FAM184A: variants seen among roughly 807,000 people sequenced by gnomAD.
FAM184A encodes the protein protein FAM184A.
FAM184A carries 99 observed loss-of-function variants against 143.8 expected under a neutral mutation model. That is an observed-to-expected ratio of 0.69 (90% CI 0.58 to 0.81). The LOEUF (loss-of-function observed/expected upper bound fraction) is 0.81, where lower values mean the gene tolerates loss of function less well. Among genes scored for constraint, FAM184A ranks in the 40% least tolerant of loss-of-function variants. The probability of loss-of-function intolerance (pLI) is 0.00; values close to 1 mark genes in which losing one functional copy is unlikely to be tolerated. For missense variants in FAM184A, 1,217 were observed against 1,310.5 expected (o/e 0.93, Z 1.10); for synonymous variants, 427 against 446.4 (o/e 0.96, Z 0.55).
rs541953545 is a variant in FAM184A, at chr6:119,007,769, C to T, written c.1654-1161G>A. Among the ~76,000 whole-genome samples the T allele has an allele frequency of 2.0e-5, 3 of 152,076 alleles. No individual in the cohort carries two copies. In the East Asian group the frequency reaches 5.8e-4, roughly 29 times the overall value. ...CAGCCTGGCCAACATGGCGAAACCC[C>T]GTCTCTACTAAAAATACAAAAAGTA... On this transcript the variant is annotated intron_variant, in intron 6 of 17. Transcript: ENST00000338891.
At chr6:118,969,570 C>A (rs1453499188) in intron 14 of FAM184A, among the ~76,000 whole-genome samples, 1 of 152,130 alleles carries the variant, frequency 6.6e-6, no homozygotes, top group Non-Finnish European at 1.5e-5. Context: ...CAATATTTTT[C>A]TTTTCTTCAG....
rs1241231938 is a variant in FAM184A at position 119,039,574 on chromosome 6, G to GAA, written c.160-14763_160-14762dup. ...ATTACATGACATTCTAGAAAAGGCA[G>GAA]AAGTATGAAGATAGTAAATAGATCA... On this transcript the variant is annotated intron_variant, in intron 1 of 17. Coordinates refer to ENST00000338891, the MANE Select transcript of FAM184A (RefSeq NM_024581.6). Among the ~76,000 whole-genome samples the GAA allele has an allele frequency of 3.9e-5, 6 of 152,350 alleles. No individual in the cohort carries two copies. In the East Asian group the frequency reaches 7.7e-4, roughly 20 times the overall value.
chr6:118,960,327 C>T, intron 17 of FAM184A, 143 bp from the exon 18 acceptor site: 3 of 622,778 alleles, frequency 4.8e-6, no homozygotes, highest in Admixed American at 2.9e-5. Context: ...GCTACCCCCT[C>T]TATACTAGAA....
chr6:119,012,400 C>G lies in FAM184A; in HGVS notation c.1531-969G>C, dbSNP rs117104064. ...AAGCACACACCACAAAGGAAAAAGA[C>G]ACATGGGGTGAAGTCTGCCAGAAAC... On this transcript the variant is annotated intron_variant, in intron 5 of 17. Transcript: ENST00000338891. Among the ~76,000 whole-genome samples, 856 of 152,274 alleles carry G rather than the reference C, an allele frequency of 5.6e-3. 6 individuals are homozygous for G. The highest frequency in any genetic ancestry group is 7.6e-3 in the Non-Finnish European group (515 of 68,032).
chr6:119,021,342 C>T lies in FAM184A; in HGVS notation c.1151-1183G>A, dbSNP rs9387627. Among the ~76,000 whole-genome samples the T allele has an allele frequency of 3.9e-3, 593 of 152,328 alleles. 10 individuals are homozygous for T. Among genetic ancestry groups the T allele is most frequent in the East Asian group, 0.038 (198 of 5,188 alleles). ...ACAAAATATAACTTCAGAACTGACA[C>T]AAGTCACCCACTTCCTCCAGTAATG... On this transcript the variant is annotated intron_variant, in intron 3 of 17. Coordinates refer to ENST00000338891, the MANE Select transcript of FAM184A (RefSeq NM_024581.6).
intron 9 of FAM184A, among the ~76,000 whole-genome samples, chr6:118,999,441 C>A (rs1290187627): frequency 6.6e-6 from 1 of 152,164 alleles, no homozygotes; most frequent in East Asian, 1.9e-4. Context: ...ATAACCTCTA[C>A]CCAAACTGCC....
intron 1 of FAM184A, among the ~76,000 whole-genome samples, chr6:119,094,804 C>T (rs1443646441): frequency 1.3e-5 from 2 of 151,908 alleles, no homozygotes; most frequent in African/African-American, 2.4e-5. Context: ...AACTAATTAC[C>T]GCAGTGGGCA....
chr6:119,130,294 T>C (rs1403477415), intron 1 of FAM184A, among the ~76,000 whole-genome samples: 2 of 152,196 alleles, frequency 1.3e-5, no homozygotes, highest in African/African-American at 4.8e-5. Flanking sequence ...CAGTATATTG[T>C]TTCTGAAATA....
rs76023549 is a variant in FAM184A at position 119,087,350 on chromosome 6, G to C, written c.-202+61728C>G. Among the ~76,000 whole-genome samples the C allele has an allele frequency of 3.1e-3, 468 of 152,238 alleles. 2 individuals carry two copies. Among genetic ancestry groups the C allele is most frequent in the African/African-American group, 0.01 (435 of 41,544 alleles). Reference sequence around the variant, plus strand: ...TTTGCAGACCATGCTTCTGATAAAGGATTAATATCCAGAGCATATAAAGAA... The same window carrying C: ...TTTGCAGACCATGCTTCTGATAAAGCATTAATATCCAGAGCATATAAAGAA... On this transcript the variant is annotated intron_variant, in intron 1 of 16. Coordinates refer to the FAM184A transcript ENST00000352896.
At chr6:119,137,073 G>C (rs977123907) in intron 1 of FAM184A, among the ~76,000 whole-genome samples, 1 of 152,220 alleles carries the variant, frequency 6.6e-6, no homozygotes, top group Admixed American at 6.5e-5. Context: ...GTCCCAGTCT[G>C]CTCAGCTGCC....
In FAM184A at chr6:119,067,886, C is replaced by T. The variant is rs543982858; in HGVS notation, c.159+10255G>A. ...ACTCAGAAAACTGAGGTGGAAGGAT[C>T]ACTTGACCCCAGGAGTGTAAGGTTG... On this transcript the variant is annotated intron_variant, in intron 1 of 17. Transcript: ENST00000338891. 5.3e-4 allele frequency among the ~76,000 whole-genome samples: 81 copies of T among 152,270 alleles called. 2 individuals are homozygous for T. The South Asian group carries it at 0.017, about 31-fold the overall frequency.
intron 1 of FAM184A, among the ~76,000 whole-genome samples, chr6:119,111,689 T>C (rs1408318972): frequency 6.6e-6 from 1 of 152,226 alleles, no homozygotes; most frequent in Non-Finnish European, 1.5e-5. Flanking sequence ...CAGATTGTCA[T>C]GTTCTAGTCA....
intron 1 of FAM184A, among the ~76,000 whole-genome samples, chr6:119,055,301 A>G (rs1373283425): frequency 6.6e-6 from 1 of 152,216 alleles, no homozygotes; most frequent in Non-Finnish European, 1.5e-5. Context: ...CAGTTGATGT[A>G]ACAGTTGGGT....
At chr6:118,987,160 A>T (rs1784221446) in intron 9 of FAM184A, among the ~76,000 whole-genome samples, 2 of 152,220 alleles carry the variant, frequency 1.3e-5, no homozygotes, top group Admixed American at 6.5e-5. Flanking sequence ...TGGCATTAGT[A>T]AACTACAATC....
chr6:118,975,785 A>T (rs1783827499), intron 12 of FAM184A, 132 bp downstream of exon 12: 4 of 882,368 alleles, frequency 4.5e-6, no homozygotes, highest in Non-Finnish European at 6.7e-6. Flanking sequence ...TGAATCAAAT[A>T]AAGCTCTTCA....
At chr6:119,118,258 A>G (rs1272115372) in intron 1 of FAM184A, among the ~76,000 whole-genome samples, 3 of 152,196 alleles carry the variant, frequency 2.0e-5, no homozygotes, top group Admixed American at 6.5e-5. Context: ...TTTAACATTC[A>G]TTTCTTCCTA....
At chr6:119,035,232 T>A (rs1003363986) in intron 1 of FAM184A, among the ~76,000 whole-genome samples, 1 of 145,434 alleles carries the variant, frequency 6.9e-6, no homozygotes, top group Non-Finnish European at 1.5e-5. Flanking sequence ...CTCCTCCTCT[T>A]GGCCAAGAGC....
chr6:119,022,716 A>T (rs2114686919), intron 3 of FAM184A, among the ~76,000 whole-genome samples: 1 of 152,136 alleles, frequency 6.6e-6, no homozygotes, highest in East Asian at 1.9e-4. Flanking sequence ...CTCTACTAAA[A>T]ATACAAAAAA....
chr6:118,988,019 T>C, intron 9 of FAM184A, among the ~76,000 whole-genome samples: 1 of 152,200 alleles, frequency 6.6e-6, no homozygotes, highest in South Asian at 2.1e-4. Context: ...TGATGTTGTT[T>C]ATGCAAAATG....
Sources: gnomAD v4.1 joint callset for allele counts (sites outside exome capture counted in the v4.1 genomes callset) on GRCh38, gnomAD v4.1.1 for gene constraint, MANE v1.5 for transcripts, NCBI Gene and HGNC (gene_info 2026-07-23, HGNC 2026-07-21) for gene names.